CDAN1: variants seen among roughly 807,000 people sequenced by gnomAD.
CDAN1 encodes the protein codanin 1, also known as codanin-1.
CDAN1 carries 107 observed loss-of-function variants against 139.8 expected under a neutral mutation model. The observed-to-expected ratio is 0.77, with a 90% CI of 0.65 to 0.90. CDAN1 has a LOEUF of 0.90. Ranked by LOEUF, CDAN1 falls within the 40% of genes least tolerant of loss-of-function variation. The probability of loss-of-function intolerance (pLI) is 0.00; values close to 1 mark genes in which losing one functional copy is unlikely to be tolerated. For synonymous variants in CDAN1, 776 were observed against 660.6 expected, an observed-to-expected ratio of 1.17 and a Z score of -2.68; for missense variants, 1,667 against 1,575.7, an observed-to-expected ratio of 1.06 and a Z score of -0.98.
rs1335642093 is a variant in CDAN1 at position 42,724,187 on chromosome 15, CTG to C, written c.*302_*303del. 2 of 400,962 alleles carry C rather than the reference CTG, an allele frequency of 5.0e-6. No homozygotes were observed. The highest frequency in any genetic ancestry group is 9.5e-6 in the Non-Finnish European group (2 of 210,700). The allele number at this position is 400,962 out of a possible 1,614,324, so 24.8% of individuals were successfully genotyped here. ...TGGGATAGCAAATGAGGCTTGAATT[CTG>C]TGTTGACAAGCCCACACACCTCATT... On this transcript the variant is annotated 3_prime_UTR_variant, in exon 28 of 28. Coordinates refer to ENST00000356231, the MANE Select transcript of CDAN1 (RefSeq NM_138477.4).
At chr15:42,733,011 A>C in intron 9 of CDAN1, 86 bp downstream of exon 9, 2 of 1,029,220 alleles carry the variant, frequency 1.9e-6, no homozygotes, top group Non-Finnish European at 3.1e-6. Context: ...AGCGGGGAAA[A>C]CCTTCCCTCC....
chr15:42,733,705 G>A (rs932210558), intron 8 of CDAN1, among the ~76,000 whole-genome samples: 6 of 152,116 alleles, frequency 3.9e-5, no homozygotes, highest in African/African-American at 1.4e-4. Flanking sequence ...TCTTGCTTGA[G>A]AACCCTGAGA....
intron 14 of CDAN1, 129 bp from the exon 15 acceptor site, chr15:42,730,344 T>G: frequency 1.0e-6 from 1 of 971,918 alleles, no homozygotes; most frequent in East Asian, 2.4e-5. Context: ...GCAAGCAGGA[T>G]CCCCCCAGCC....
chr15:42,724,567 G>A lies in CDAN1; in HGVS notation c.3608C>T (p.Pro1203Leu), dbSNP rs1319900979. Residue 1203 changes from proline to leucine, a missense_variant, in exon 28 of 28, where the codon CCC becomes CTC. By Grantham distance (98) the Pro-to-Leu change is moderately conservative. This residue lies in a region of CDAN1 where 936 missense variants were observed against 844.1 expected (regional missense o/e 1.11). Transcript: ENST00000356231. Reference sequence around the variant, plus strand: ...TCTTAGCTGGGGTTCTGGCAGGTGGGGCTCGGCTAGAAACAGATTAGACAG... The same window carrying A: ...TCTTAGCTGGGGTTCTGGCAGGTGGAGCTCGGCTAGAAACAGATTAGACAG... ...ATLSNLFLAEPHLPEPQLRAC... is the reference protein window; with the variant it reads ...ATLSNLFLAELHLPEPQLRAC... 1.3e-6 allele frequency: 2 copies of A among 1,553,994 alleles called. No individual in the cohort carries two copies. The highest frequency in any genetic ancestry group is 1.7e-6 in the Non-Finnish European group (2 of 1,148,086).
intron 5 of CDAN1, 22 bp downstream of exon 5, chr15:42,735,239 A>C (rs774852735): frequency 8.1e-6 from 13 of 1,602,618 alleles, no homozygotes; most frequent in East Asian, 2.2e-5. Context: ...CCCATGTCTC[A>C]AAAGGAGGCT....
In CDAN1 at chr15:42,731,693, C is replaced by T. The variant is rs1169981568; in HGVS notation, c.1666G>A (p.Gly556Arg). Residue 556 changes from glycine to arginine, a missense_variant, in exon 11 of 28, where the codon GGG (glycine) becomes AGG (arginine). Transcript: ENST00000356231. Reference sequence around the variant, plus strand: ...AAGGTGGGGGGTGGGCAGGGCCCCCCACTGCTCTGAGGAGCCATAAGCCGT... The same window carrying T: ...AAGGTGGGGGGTGGGCAGGGCCCCCTACTGCTCTGAGGAGCCATAAGCCGT... Reference protein sequence around the residue: ...QERLMAPQSSGGPCPPPTFPG... With the variant: ...QERLMAPQSSRGPCPPPTFPG... 1 of 1,614,150 alleles carries T rather than the reference C, an allele frequency of 6.2e-7. No individual in the cohort carries two copies. The highest frequency in any genetic ancestry group is 8.5e-7 in the Non-Finnish European group (1 of 1,180,022).
At position 42,730,743 on chromosome 15, in the gene CDAN1, G is replaced by A. The variant is rs200617228; in HGVS notation, c.2029C>T (p.Arg677Trp). The A allele has an allele frequency of 4.7e-5, 75 of 1,611,882 alleles. No individual in the cohort carries two copies. The highest frequency in any genetic ancestry group is 1.5e-4 in the African/African-American group (11 of 74,910). ...RSQVPPVLDV[R>W]TLLQRGLQAR... ...TGCAGCCCTCGCTGCAGCAGAGTCC[G>A]CACATCCAGGACCGGAGGGACCTGG... Residue 677 changes from arginine (R) to tryptophan (W), a missense_variant, in exon 14 of 28, where the codon CGG (arginine) becomes TGG (tryptophan). Physicochemically the swap from Arg to Trp is moderately radical, Grantham distance 101. Coordinates refer to ENST00000356231, the MANE Select transcript of CDAN1 (RefSeq NM_138477.4).
chr15:42,733,013 C>CAGGG, intron 9 of CDAN1, 84 bp downstream of exon 9: 4 of 1,079,720 alleles, frequency 3.7e-6, no homozygotes, highest in Non-Finnish European at 5.7e-6. Context: ...CGGGGAAAAC[C>CAGGG]TTCCCTCCTC....
At chr15:42,730,033 C>T in intron 15 of CDAN1, 95 bp downstream of exon 15, 1 of 1,348,478 alleles carries the variant, frequency 7.4e-7, no homozygotes, top group South Asian at 1.2e-5. Context: ...GAACCTTCGT[C>T]TTCCAGCCCT....
At chr15:42,725,975 CAA>C (rs886492399) in intron 25 of CDAN1, 120 bp downstream of exon 25, 14,018 of 334,552 alleles carry the variant, frequency 0.042, 39 homozygotes, top group African/African-American at 0.12. Context: ...GATTCCGTCT[CAA>C]AAAAAAAAAA....
chr15:42,730,564 T>C, intron 14 of CDAN1, 34 bp downstream of exon 14: 1 of 1,612,408 alleles, frequency 6.2e-7, no homozygotes, highest in South Asian at 1.1e-5. Flanking sequence ...GAGTCCCGAA[T>C]CCTTTCATCA....
rs375514582 is a variant in CDAN1, at chr15:42,727,689, G to C, written c.3028C>G (p.Arg1010Gly). 11 of 1,585,724 alleles carry C rather than the reference G, an allele frequency of 6.9e-6. No homozygotes were observed. Among genetic ancestry groups the C allele is most frequent in the Non-Finnish European group, 9.5e-6 (11 of 1,162,408 alleles). The change falls in exon 23 of 28, where the codon CGG becomes GGG. Residue 1010 changes from arginine to glycine, a missense_variant. Physicochemically the swap from Arg to Gly is moderately radical, Grantham distance 125. Coordinates refer to ENST00000356231, the MANE Select transcript of CDAN1 (RefSeq NM_138477.4). ...TCACAGGCGCGGGAGCAGCCCCTCCGCTCCCCCCGGGCAGCAGGTTCAGGA... is the reference window on the plus strand; with the variant it reads ...TCACAGGCGCGGGAGCAGCCCCTCCCCTCCCCCCGGGCAGCAGGTTCAGGA... The part of the protein sequence containing the change: ...QGPEPAARGE[R>G]RGCSRACEHH...
At chr15:42,726,446 T>A in intron 23 of CDAN1, 29 bp from the exon 24 acceptor site, 5 of 1,521,166 alleles carry the variant, frequency 3.3e-6, no homozygotes, top group Non-Finnish European at 4.5e-6. Context: ...GATATCACCT[T>A]GCGCTGGGGG....
In CDAN1 at chr15:42,724,370, T is replaced by TCTGA. The variant is rs1007370726; in HGVS notation, c.*117_*120dup. ...GCAGTGACACCCTTAGAGCAGGAAG[T>TCTGA]CTGACTGTAGACCCAGCTACACCCC... On this transcript the variant is annotated 3_prime_UTR_variant, in exon 28 of 28. Coordinates refer to ENST00000356231, the MANE Select transcript of CDAN1 (RefSeq NM_138477.4). The TCTGA allele has an allele frequency of 3.3e-5, 44 of 1,339,686 alleles. No homozygotes were observed. In the African/African-American group the frequency reaches 6.2e-4, roughly 19 times the overall value. 83.0% of individuals were successfully genotyped at this position (1,339,686 alleles called of 1,614,324 possible).
At chr15:42,725,039 T>C (rs1037518134) in intron 27 of CDAN1, 105 bp downstream of exon 27, 1 of 938,640 alleles carries the variant, frequency 1.1e-6, no homozygotes, top group Non-Finnish European at 1.7e-6. Context: ...TGAAGACTCT[T>C]GACAAAAATC....
Position 42,730,110 on chromosome 15 carries a change from G to C in CDAN1, c.2262+18C>G. 1.2e-6 allele frequency: 2 copies of C among 1,610,168 alleles called. No homozygotes were observed. Among genetic ancestry groups the C allele is most frequent in the South Asian group, 1.1e-5 (1 of 91,010 alleles). On this transcript the variant is annotated intron_variant, in intron 15 of 27. Transcript: ENST00000356231. ...AGCTGTAGAACCTCTCTCCAATCTG[G>C]ACCCTCACTCTGCCCACCTGGAAAA...
intron 9 of CDAN1, among the ~76,000 whole-genome samples, 179 bp downstream of exon 9, chr15:42,732,918 C>G (rs1402203751): frequency 2.0e-5 from 3 of 152,170 alleles, no homozygotes; most frequent in Non-Finnish European, 2.9e-5. Context: ...GCTGGAGAGA[C>G]ACATCCCTTT....
rs1490893233 is a variant in CDAN1 at position 42,735,382 on chromosome 15, G to C, written c.944-8C>G. 1 of 1,597,578 alleles carries C rather than the reference G, an allele frequency of 6.3e-7. No homozygotes were observed. Among genetic ancestry groups the C allele is most frequent in the Non-Finnish European group, 8.5e-7 (1 of 1,170,706 alleles). ...GGTTTGGTACCAGGTTCTCTAGATA[G>C]ATACAAAAAGAAAGCCCATGGTATG... On this transcript the variant is annotated splice_polypyrimidine_tract_variant and splice_region_variant and intron_variant, in intron 4 of 27. Transcript: ENST00000356231.
Position 42,724,325 on chromosome 15 carries a change from T to G in CDAN1, c.*166A>C, listed in dbSNP as rs2061494847. The G allele has an allele frequency of 1.1e-6, 1 of 871,920 alleles. No individual in the cohort carries two copies. The highest frequency in any genetic ancestry group is 1.8e-6 in the Non-Finnish European group (1 of 558,410). The allele number at this position is 871,920 out of a possible 1,614,324, so 54.0% of individuals were successfully genotyped here. A position where few individuals can be genotyped will look rare whatever the true frequency, so the allele number is the denominator to read the frequency against. On this transcript the variant is annotated 3_prime_UTR_variant, in exon 28 of 28. Transcript: ENST00000356231. ...CAGGCCAACTCTCCTTCCTCTAGGA[T>G]TCGCGTGGTGGGATGCCAGGCAGTG...
Sources: allele counts gnomAD v4.1 joint callset (sites outside exome capture counted in the v4.1 genomes callset), GRCh38; gene constraint gnomAD v4.1.1; regional missense constraint gnomAD v4.1.1; transcripts MANE v1.5; gene names NCBI Gene and HGNC (gene_info 2026-07-23, HGNC 2026-07-21).